The following LRCH1 variants were observed in gnomAD, a reference collection of about 807,000 sequenced individuals.
LRCH1 encodes leucine-rich repeat and calponin homology domain-containing protein 1.
A neutral mutation model predicts 94.9 loss-of-function variants in LRCH1; 23 were observed. The observed-to-expected ratio is 0.24, with a 90% CI of 0.17 to 0.34. The LOEUF is 0.34. Ranked by LOEUF, LRCH1 falls within the 10% of genes least tolerant of loss-of-function variation. LRCH1 has a pLI of 1.00. For missense variants in LRCH1, 790 were observed against 945.9 expected (o/e 0.84, Z 2.16); for synonymous variants, 364 against 354.9 (o/e 1.03, Z -0.29).
At chr13:46,700,434 G>A (rs1593362010) in intron 10 of LRCH1, among the ~76,000 whole-genome samples, 2 of 152,140 alleles carry the variant, frequency 1.3e-5, no homozygotes, top group South Asian at 2.1e-4. Context: ...TGAGAGCCAC[G>A]GAGGCCTAGC....
intron 18 of LRCH1, among the ~76,000 whole-genome samples, chr13:46,732,923 A>G (rs1873185966): frequency 6.6e-6 from 1 of 152,180 alleles, no homozygotes; most frequent in South Asian, 2.1e-4. Context: ...GAGAATATTT[A>G]TTTAGCTTTC....
intron 1 of LRCH1, among the ~76,000 whole-genome samples, chr13:46,571,137 T>C (rs1024510772): frequency 1.3e-5 from 2 of 152,216 alleles, no homozygotes; most frequent in Non-Finnish European, 2.9e-5. Flanking sequence ...TCCTTTGTGT[T>C]CCAACAATTG....
At chr13:46,678,964 CAGAG>C (rs575093054) in intron 3 of LRCH1, among the ~76,000 whole-genome samples, 338 of 152,284 alleles carry the variant, frequency 2.2e-3, no homozygotes, top group Non-Finnish European at 3.7e-3. Flanking sequence ...CTTATTTATT[CAGAG>C]AAAGATTTTT....
At position 46,705,283 on chromosome 13, in the gene LRCH1, G is replaced by A; in HGVS notation, c.1506G>A (p.Leu502=). 1.2e-6 allele frequency: 2 copies of A among 1,612,992 alleles called. No individual in the cohort carries two copies. The highest frequency in any genetic ancestry group is 8.5e-7 in the Non-Finnish European group (1 of 1,179,602). The change falls in exon 13 of 20, where the codon CTG becomes CTA. Residue 502 remains leucine (L), a synonymous_variant. Transcript: ENST00000389797. The part of the protein sequence containing the change: ...QDSALNGQIQ[L]ETSPVCEVQS... ...GTTCTCACAGTGGTCAAATACAGCT[G>A]GAGACATCTCCGGTGTGTGAGGTAA...
At chr13:46,590,303 TCTC>T (rs760082005) in intron 1 of LRCH1, among the ~76,000 whole-genome samples, 6 of 152,160 alleles carry the variant, frequency 3.9e-5, no homozygotes, top group Non-Finnish European at 8.8e-5. Flanking sequence ...TCTCTTTCTA[TCTC>T]CTCTTCTTTG....
intron 1 of LRCH1, among the ~76,000 whole-genome samples, chr13:46,613,394 A>C (rs1051046483): frequency 6.6e-6 from 1 of 152,026 alleles, no homozygotes; most frequent in Non-Finnish European, 1.5e-5. Context: ...CTGAAAAAAA[A>C]AAAAGAAAAA....
intron 1 of LRCH1, among the ~76,000 whole-genome samples, chr13:46,554,300 C>T (rs2050038808): frequency 6.6e-6 from 1 of 152,254 alleles, no homozygotes; most frequent in African/African-American, 2.4e-5. Flanking sequence ...CTGTGAGGTG[C>T]CCAAGTTTCC....
chr13:46,657,525 T>C (rs1463723549), intron 2 of LRCH1, among the ~76,000 whole-genome samples: 4 of 70,916 alleles, frequency 5.6e-5, no homozygotes, highest in African/African-American at 2.3e-4. Flanking sequence ...TTTTTTTTTT[T>C]TTTTTTTTTT....
chr13:46,692,634 C>T lies in LRCH1; in HGVS notation c.1113C>T (p.Pro371=), dbSNP rs139197416. 833 of 1,612,298 alleles carry T rather than the reference C, an allele frequency of 5.2e-4. No individual in the cohort carries two copies. The highest frequency in any genetic ancestry group is 6.6e-4 in the Non-Finnish European group (773 of 1,178,886). Residue 371 remains proline (P), a synonymous_variant, in exon 8 of 20, where the codon CCC becomes CCT. Transcript: ENST00000389797. ...IKEDSCHRLS[P]VKGEFHQEFQ... is the part of the protein sequence containing the mutation. ...AGGACTCGTGCCATCGCCTTAGCCC[C>T]GTTAAAGGTCTGAGAATAAAAATGT... is the stretch of plus-strand genomic sequence containing the variant.
chr13:46,653,345 C>T (rs1462410023), intron 2 of LRCH1, among the ~76,000 whole-genome samples: 1 of 152,026 alleles, frequency 6.6e-6, no homozygotes, highest in Non-Finnish European at 1.5e-5. Flanking sequence ...GAATCATGTG[C>T]TCTTTGAAGG....
At chr13:46,700,145 G>A (rs1871389803) in intron 10 of LRCH1, among the ~76,000 whole-genome samples, 1 of 152,218 alleles carries the variant, frequency 6.6e-6, no homozygotes, top group Non-Finnish European at 1.5e-5. Context: ...GGGGAATTGA[G>A]TTTGGACTGT....
chr13:46,676,615 C>T (rs969539741), intron 3 of LRCH1, among the ~76,000 whole-genome samples: 3 of 152,070 alleles, frequency 2.0e-5, no homozygotes, highest in Non-Finnish European at 4.4e-5. Flanking sequence ...AAATAAAGAG[C>T]TAGATTCTTA....
At chr13:46,750,615 C>G (rs1411439211) in exon 19 of LRCH1, 1 of 1,551,738 alleles carries the variant, frequency 6.4e-7, no homozygotes, top group Non-Finnish European at 8.7e-7. Context: ...TCAAGCATTA[C>G]TAGACATCAC....
chr13:46,619,377 T>G (rs1271197769), intron 1 of LRCH1, among the ~76,000 whole-genome samples: 3 of 152,336 alleles, frequency 2.0e-5, no homozygotes, highest in Admixed American at 2.0e-4. Context: ...CCCAAAGTGC[T>G]GGGACTACAG....
At chr13:46,562,279 T>C (rs2050137678) in intron 1 of LRCH1, among the ~76,000 whole-genome samples, 1 of 152,190 alleles carries the variant, frequency 6.6e-6, no homozygotes. Context: ...ACCATGACAA[T>C]ATTCCTCAGA....
At chr13:46,645,251 T>C (rs1454189410) in intron 1 of LRCH1, among the ~76,000 whole-genome samples, 1 of 152,240 alleles carries the variant, frequency 6.6e-6, no homozygotes, top group East Asian at 1.9e-4. Flanking sequence ...GAATATTAGC[T>C]GAATTTGTAA....
chr13:46,740,323 C>T (rs1397154008), intron 19 of LRCH1, among the ~76,000 whole-genome samples: 2 of 152,142 alleles, frequency 1.3e-5, no homozygotes, highest in African/African-American at 4.8e-5. Context: ...ATGATTTATT[C>T]ATCTTAAAAA....
intron 1 of LRCH1, among the ~76,000 whole-genome samples, chr13:46,558,570 T>TAAAAAAAAAAAAA (rs2050092861): frequency 1.1e-4 from 1 of 9,312 alleles, no homozygotes; most frequent in Non-Finnish European, 1.6e-4. Flanking sequence ...ACCCTGTGTC[T>TAAAAAAAAAAAAA]ACAAAAAAAA....
intron 1 of LRCH1, among the ~76,000 whole-genome samples, chr13:46,562,538 A>G (rs2050141336): frequency 6.6e-6 from 1 of 152,208 alleles, no homozygotes. Context: ...ATAGGACCTC[A>G]TGTAATCTTC....
Sources: allele counts gnomAD v4.1 joint callset (sites outside exome capture counted in the v4.1 genomes callset), GRCh38; gene constraint gnomAD v4.1.1; transcripts MANE v1.5; gene names NCBI Gene and HGNC (gene_info 2026-07-23, HGNC 2026-07-21).